Variants in CTNS observed in about 807,000 individuals in gnomAD.
The protein encoded by CTNS is cystinosin.
CTNS carries 27 observed loss-of-function variants against 43.7 expected under a neutral mutation model. That is an observed-to-expected ratio of 0.62 (90% CI 0.46 to 0.85). The LOEUF (loss-of-function observed/expected upper bound fraction) is 0.85, where lower values mean the gene tolerates loss of function less well. Among genes scored for constraint, CTNS ranks in the 40% least tolerant of loss-of-function variants. CTNS has a pLI of 0.00. For synonymous variants in CTNS, 187 were observed against 190.6 expected (o/e 0.98, Z 0.16); for missense variants, 457 against 475.4 (o/e 0.96, Z 0.36).
chr17:3,651,984 A>AAAAG (rs1173943935), intron 5 of CTNS, among the ~76,000 whole-genome samples: 1 of 126,050 alleles, frequency 7.9e-6, no homozygotes, highest in Non-Finnish European at 1.8e-5. Flanking sequence ...AAAAAAAAAG[A>AAAAG]AAAGAAAAGA....
In CTNS at chr17:3,656,555, A is replaced by G; in HGVS notation, c.530A>G (p.Asn177Ser). 1 of 1,610,222 alleles carries G rather than the reference A, an allele frequency of 6.2e-7. No homozygotes were observed. Among genetic ancestry groups the G allele is most frequent in the Non-Finnish European group, 8.5e-7 (1 of 1,179,214 alleles). ...GGCTTCGTGGCCTACAGTGTATTCAACATCGGCCTCCTCTGGGTGCCCTAC... is the reference window on the plus strand; with the variant it reads ...GGCTTCGTGGCCTACAGTGTATTCAGCATCGGCCTCCTCTGGGTGCCCTAC... ...LTGFVAYSVF[N>S]IGLLWVPYIK... Residue 177 changes from asparagine to serine, a missense_variant, in exon 8 of 12, where the codon AAC (asparagine) becomes AGC (serine). By Grantham distance (46) the Asn-to-Ser change is conservative. Transcript: ENST00000046640.
intron 3 of CTNS, among the ~76,000 whole-genome samples, chr17:3,642,490 C>T (rs965333589): frequency 2.0e-5 from 3 of 152,008 alleles, no homozygotes; most frequent in African/African-American, 2.4e-5. Context: ...GAGTTCGAGA[C>T]CAGCCTGGCC....
At chr17:3,657,843 C>A in intron 9 of CTNS, 162 bp from the exon 10 acceptor site, 1 of 715,806 alleles carries the variant, frequency 1.4e-6, no homozygotes, top group Non-Finnish European at 2.4e-6. Context: ...ACATGTTCCC[C>A]TGCCACAACC....
chr17:3,661,422 T>G lies in CTNS; in HGVS notation c.*1053T>G, dbSNP rs1048677. On this transcript the variant is annotated 3_prime_UTR_variant, in exon 12 of 12. Coordinates refer to ENST00000046640, the MANE Select transcript of CTNS (RefSeq NM_004937.3). ...GCTGTCCTTCCTATGGCAGGAGGGG[T>G]GGGGGTCCCAGGACGTGCCTCATAC... 0.19 allele frequency: 28,735 copies of G among 151,210 alleles called. 3,045 individuals carry two copies. The highest frequency in any genetic ancestry group is 0.23 in the East Asian group (1,154 of 5,120). 9.4% of individuals were successfully genotyped at this position (151,210 alleles called of 1,614,324 possible). A position where few individuals can be genotyped will look rare whatever the true frequency, so the allele number is the denominator to read the frequency against.
At position 3,660,662 on chromosome 17, in the gene CTNS, C is replaced by G; in HGVS notation, c.*293C>G. ...GCTCTGGCAGCCGTCTCAGGCAGGA[C>G]TGGGCACCAAGCTTGCAGCCGAAGG... On this transcript the variant is annotated 3_prime_UTR_variant, in exon 12 of 12. Coordinates refer to ENST00000046640, the MANE Select transcript of CTNS (RefSeq NM_004937.3). 1 of 1,613,628 alleles carries G rather than the reference C, an allele frequency of 6.2e-7. No individual in the cohort carries two copies. The highest frequency in any genetic ancestry group is 1.1e-5 in the South Asian group (1 of 91,092).
chr17:3,658,115 G>C lies in CTNS; in HGVS notation c.792G>C (p.Gln264His). 6.2e-7 allele frequency: 1 copy of C among 1,612,506 alleles called. No individual in the cohort carries two copies. Among genetic ancestry groups the C allele is most frequent in the Non-Finnish European group, 8.5e-7 (1 of 1,179,976 alleles). The stretch of plus-strand genomic sequence containing the variant: ...CAGTGGGAGTGACCACGTGGCTGCA[G>C]TTTCTCTTCTGCTTCTCCTACATCA... ...VAAVGVTTWL[Q>H]FLFCFSYIKL... The change falls in exon 10 of 12, where the codon CAG (glutamine) becomes CAC (histidine). Residue 264 changes from glutamine (Q) to histidine (H), a missense_variant. By Grantham distance (24) the Gln-to-His change is conservative (BLOSUM62 0). Coordinates refer to ENST00000046640, the MANE Select transcript of CTNS (RefSeq NM_004937.3).
chr17:3,656,781 T>C lies in CTNS; in HGVS notation c.667T>C (p.Cys223Arg). ...VVLTLIIIVQ[C>R]CLYERGGQRV... is the part of the protein sequence containing the mutation. Reference sequence around the variant, plus strand: ...CCTCACGCTGATCATCATCGTGCAGTGCTGCCTGTATGAGGTGAGACCAGC... The same window carrying C: ...CCTCACGCTGATCATCATCGTGCAGCGCTGCCTGTATGAGGTGAGACCAGC... Residue 223 changes from cysteine (C) to arginine (R), a missense_variant, in exon 9 of 12, where the codon TGC becomes CGC. Cys to Arg is a radical substitution (Grantham distance 180, BLOSUM62 -3). Coordinates refer to ENST00000046640, the MANE Select transcript of CTNS (RefSeq NM_004937.3). 1 of 1,613,222 alleles carries C rather than the reference T, an allele frequency of 6.2e-7. No individual in the cohort carries two copies. The highest frequency in any genetic ancestry group is 8.5e-7 in the Non-Finnish European group (1 of 1,179,962).
At chr17:3,638,847 CAG>C (rs1204363264) in intron 2 of CTNS, among the ~76,000 whole-genome samples, 2 of 152,168 alleles carry the variant, frequency 1.3e-5, no homozygotes, top group Non-Finnish European at 2.9e-5. Context: ...CCTCCAAGGT[CAG>C]GGGACAGAGC....
intron 5 of CTNS, among the ~76,000 whole-genome samples, chr17:3,653,790 C>T (rs1313206048): frequency 1.3e-5 from 2 of 151,968 alleles, no homozygotes; most frequent in East Asian, 1.9e-4. Flanking sequence ...GCGGGAGAAT[C>T]GCTTGAACCC....
intron 5 of CTNS, among the ~76,000 whole-genome samples, chr17:3,654,630 G>A (rs563560686): frequency 3.4e-5 from 5 of 147,252 alleles, no homozygotes; most frequent in African/African-American, 1.2e-4. Context: ...GCAGTGAGCC[G>A]AGATCACTCC....
chr17:3,641,987 G>A (rs1424548658), intron 3 of CTNS, among the ~76,000 whole-genome samples: 1 of 152,056 alleles, frequency 6.6e-6, no homozygotes, highest in African/African-American at 2.4e-5. Context: ...TAAGACTGAG[G>A]CTGGAGCATG....
intron 3 of CTNS, among the ~76,000 whole-genome samples, chr17:3,642,064 C>CGTATGT: frequency 7.1e-6 from 1 of 139,888 alleles, no homozygotes; most frequent in Admixed American, 7.1e-5. Context: ...TGTACCCGGG[C>CGTATGT]GTGTGTGTGT....
chr17:3,645,179 A>G (rs895265412), intron 3 of CTNS, among the ~76,000 whole-genome samples: 4 of 152,234 alleles, frequency 2.6e-5, no homozygotes, highest in Non-Finnish European at 5.9e-5. Flanking sequence ...AGTGAGCCTG[A>G]AAAAGAAGGG....
intron 5 of CTNS, chr17:3,650,294 T>C: frequency 6.5e-7 from 1 of 1,549,882 alleles, no homozygotes; most frequent in Non-Finnish European, 8.7e-7. Flanking sequence ...ACACGATCAG[T>C]CTCCAGCATG....
chr17:3,660,706 G>A lies in CTNS; in HGVS notation c.*337G>A, dbSNP rs1023012866. ...CCGAAGGCCTTGCCCCAAACTACCA[G>A]CGTTTCTGCAAGCAGCTTGAAGGGC... On this transcript the variant is annotated 3_prime_UTR_variant, in exon 12 of 12. Coordinates refer to ENST00000046640, the MANE Select transcript of CTNS (RefSeq NM_004937.3). 8.7e-6 allele frequency: 14 copies of A among 1,613,536 alleles called. No individual in the cohort carries two copies. The highest frequency in any genetic ancestry group is 1.2e-5 in the Non-Finnish European group (14 of 1,179,968).
At chr17:3,640,160 ACTT>A in intron 2 of CTNS, 25 bp from the exon 3 acceptor site, 1 of 1,574,044 alleles carries the variant, frequency 6.4e-7, no homozygotes, top group Non-Finnish European at 8.7e-7. Context: ...ATTCCCCTGA[ACTT>A]CTCTCTTGCT....
Position 3,656,816 on chromosome 17 carries a change from C to A in CTNS, c.681+21C>A, listed in dbSNP as rs201788681. The A allele has an allele frequency of 3.8e-4, 614 of 1,612,616 alleles. 3 individuals are homozygous for A. The highest frequency in any genetic ancestry group is 4.8e-4 in the Non-Finnish European group (567 of 1,179,888). On this transcript the variant is annotated intron_variant, in intron 9 of 11. Coordinates refer to ENST00000046640, the MANE Select transcript of CTNS (RefSeq NM_004937.3). Reference sequence around the variant, plus strand: ...ATGAGGTGAGACCAGCCCTGGCCCCCCACAGGCCACCCCAGCCAACACCCG... The same window carrying A: ...ATGAGGTGAGACCAGCCCTGGCCCCACACAGGCCACCCCAGCCAACACCCG...
At chr17:3,659,511 GAGA>G (rs1335938394) in intron 10 of CTNS, among the ~76,000 whole-genome samples, 3 of 152,234 alleles carry the variant, frequency 2.0e-5, no homozygotes, top group South Asian at 2.1e-4. Context: ...GCCTGGAGGT[GAGA>G]AGAAGAATCA....
intron 9 of CTNS, 97 bp downstream of exon 9, chr17:3,656,892 G>C: frequency 2.5e-6 from 4 of 1,576,356 alleles, no homozygotes; most frequent in Middle Eastern, 1.9e-4. Flanking sequence ...GGGAAAGGAA[G>C]GGTGTGTGTT....
Sources: allele counts gnomAD v4.1 joint callset (sites outside exome capture counted in the v4.1 genomes callset), GRCh38; gene constraint gnomAD v4.1.1; transcripts MANE v1.5; gene names NCBI Gene and HGNC (gene_info 2026-07-23, HGNC 2026-07-21).